ARV1: variants seen among roughly 807,000 people sequenced by gnomAD.
ARV1 encodes the protein ARV1 fatty acid homeostasis modulator.
A neutral mutation model predicts 31.1 loss-of-function variants in ARV1; 26 were observed. The ratio of observed to expected loss-of-function variants is 0.84; its 90% CI spans 0.61 to 1.16. ARV1 has a LOEUF of 1.16. Ranked by LOEUF, ARV1 falls within the 50% of genes most tolerant of loss-of-function variation. ARV1 has a pLI of 0.00. For synonymous variants in ARV1, 117 were observed against 123.2 expected (o/e 0.95, Z 0.34); for missense variants, 281 against 324.9 (o/e 0.86, Z 1.04).
chr1:230,997,600 C>T (rs1487974230), intron 5 of ARV1, among the ~76,000 whole-genome samples: 1 of 152,090 alleles, frequency 6.6e-6, no homozygotes, highest in African/African-American at 2.4e-5. Context: ...CATTCTCCAC[C>T]CTCCCTTCCC....
chr1:230,995,108 T>C (rs1248919214), intron 3 of ARV1, among the ~76,000 whole-genome samples: 3 of 152,210 alleles, frequency 2.0e-5, no homozygotes, highest in Admixed American at 2.0e-4. Flanking sequence ...TTAAAAGAGA[T>C]GTTAAATTCC....
intron 1 of ARV1, among the ~76,000 whole-genome samples, chr1:230,983,563 G>A (rs1436959077): frequency 1.3e-5 from 2 of 151,770 alleles, no homozygotes; most frequent in African/African-American, 2.4e-5. Flanking sequence ...TACAGCATTC[G>A]GCTCCCACCC....
intron 3 of ARV1, among the ~76,000 whole-genome samples, chr1:230,994,635 G>A (rs891866407): frequency 4.7e-5 from 7 of 150,254 alleles, no homozygotes; most frequent in African/African-American, 7.3e-5. Context: ...TCCGCCTCCC[G>A]GGTTCACGCC....
chr1:230,979,704 G>T (rs370116271), intron 1 of ARV1, among the ~76,000 whole-genome samples: 18 of 152,254 alleles, frequency 1.2e-4, no homozygotes, highest in African/African-American at 4.3e-4. Context: ...GTCGTTATTG[G>T]ATGTCTACGG....
intron 3 of ARV1, among the ~76,000 whole-genome samples, chr1:230,994,974 C>T (rs952618888): frequency 6.6e-6 from 1 of 152,180 alleles, no homozygotes; most frequent in African/African-American, 2.4e-5. Flanking sequence ...CCTGATTCTG[C>T]AGAAACCTAA....
chr1:230,984,375 T>TGC (rs1166140005), intron 1 of ARV1, among the ~76,000 whole-genome samples: 42 of 122,348 alleles, frequency 3.4e-4, no homozygotes, highest in African/African-American at 1.1e-3. Flanking sequence ...TGTGTGTGTG[T>TGC]GTGTGTGTGT....
At chr1:230,991,323 C>G (rs1353699592) in intron 3 of ARV1, among the ~76,000 whole-genome samples, 1 of 152,186 alleles carries the variant, frequency 6.6e-6, no homozygotes, top group Non-Finnish European at 1.5e-5. Flanking sequence ...TGCTCTCGCT[C>G]TCTTGGTCAT....
At chr1:230,985,068 G>C (rs146511375) in intron 1 of ARV1, among the ~76,000 whole-genome samples, 2 of 152,272 alleles carry the variant, frequency 1.3e-5, no homozygotes, top group African/African-American at 4.8e-5. Flanking sequence ...TTACTTACAT[G>C]AGAAGCAAAG....
intron 1 of ARV1, among the ~76,000 whole-genome samples, chr1:230,988,091 A>G (rs1425753393): frequency 3.9e-5 from 6 of 152,242 alleles, no homozygotes; most frequent in Admixed American, 3.9e-4. Context: ...CTTCTTGAAT[A>G]TGACGTTAAA....
chr1:230,988,428 A>C lies in ARV1; in HGVS notation c.283A>C (p.Thr95Pro), dbSNP rs146498592. 40 of 1,553,076 alleles carry C rather than the reference A, an allele frequency of 2.6e-5. No individual in the cohort carries two copies. In the African/African-American group the frequency reaches 4.0e-4, roughly 15 times the overall value. The change falls in exon 2 of 6, where the codon ACT (threonine) becomes CCT (proline). Residue 95 changes from threonine (T) to proline (P), a missense_variant. Physicochemically the swap from Thr to Pro is conservative, Grantham distance 38. Transcript: ENST00000310256. Reference sequence around the variant, plus strand: ...GGCCTACAGACATATTCTTTTCAATACTCAAATAAATGTAAGTTGTGATAA... The same window carrying C: ...GGCCTACAGACATATTCTTTTCAATCCTCAAATAAATGTAAGTTGTGATAA... ...AQAYRHILFN[T>P]QINIHGKLCI... is the part of the protein sequence containing the mutation.
intron 3 of ARV1, among the ~76,000 whole-genome samples, chr1:230,994,583 C>T (rs1226963888): frequency 1.3e-5 from 2 of 151,158 alleles, no homozygotes; most frequent in Non-Finnish European, 2.9e-5. Context: ...GCTCTGTCGC[C>T]CAGACTGGAG....
chr1:230,990,724 C>A, intron 3 of ARV1: 1 of 220,364 alleles, frequency 4.5e-6, no homozygotes, highest in Non-Finnish European at 9.6e-6. Context: ...CCATGCACCA[C>A]CTCCAGCTAA....
intron 4 of ARV1, among the ~76,000 whole-genome samples, chr1:230,996,914 G>A (rs113522926): frequency 2.6e-5 from 4 of 152,218 alleles, no homozygotes; most frequent in East Asian, 1.9e-4. Flanking sequence ...TGAGGAGAAG[G>A]GGCTCAGTGT....
intron 4 of ARV1, 52 bp downstream of exon 4, chr1:230,996,036 T>A: frequency 6.7e-7 from 1 of 1,497,372 alleles, no homozygotes; most frequent in Non-Finnish European, 9.1e-7. Context: ...ATAAAAAGCT[T>A]AAAGCCTTGT....
intron 1 of ARV1, among the ~76,000 whole-genome samples, chr1:230,983,557 G>A (rs996525620): frequency 1.3e-5 from 2 of 151,874 alleles, no homozygotes; most frequent in Non-Finnish European, 2.9e-5. Flanking sequence ...CAGCACTACA[G>A]CATTCGGCTC....
intron 1 of ARV1, among the ~76,000 whole-genome samples, chr1:230,982,715 C>T (rs1029451039): frequency 3.3e-5 from 5 of 152,142 alleles, no homozygotes; most frequent in Non-Finnish European, 7.4e-5. Flanking sequence ...CATAATAGCA[C>T]GACTCAGGGA....
rs747745548 is a variant in ARV1 at position 230,979,094 on chromosome 1, A to G, written c.-12A>G. 2.5e-6 allele frequency: 4 copies of G among 1,605,760 alleles called. No individual in the cohort carries two copies. Among genetic ancestry groups the G allele is most frequent in the Middle Eastern group, 1.8e-4 (1 of 5,478 alleles). ...CACAGAATCGGAAGTTCTGGACTGC[A>G]GTTGAGTGGAAATGGGCAACGGCGG... On this transcript the variant is annotated 5_prime_UTR_variant, in exon 1 of 6. Coordinates refer to ENST00000310256, the MANE Select transcript of ARV1 (RefSeq NM_022786.3).
chr1:230,979,395 C>G, intron 1 of ARV1, 116 bp downstream of exon 1: 2 of 1,201,416 alleles, frequency 1.7e-6, no homozygotes, highest in South Asian at 2.7e-5. Context: ...CATTCCCGCC[C>G]GGGATCTTTG....
chr1:230,979,436 C>A, intron 1 of ARV1, 157 bp downstream of exon 1: 1 of 840,944 alleles, frequency 1.2e-6, no homozygotes, highest in South Asian at 1.9e-5. Context: ...GAGAACTCAG[C>A]TACCCGACAG....
Sources: allele counts gnomAD v4.1 joint callset (sites outside exome capture counted in the v4.1 genomes callset), GRCh38; gene constraint gnomAD v4.1.1; transcripts MANE v1.5; gene names NCBI Gene and HGNC (gene_info 2026-07-23, HGNC 2026-07-21).